Variants in SYBU observed in about 807,000 individuals in gnomAD.
The protein encoded by SYBU is GOLSYN A protein.
Under a neutral mutation model 35.9 loss-of-function variants are expected in SYBU, and 21 were observed. The observed-to-expected ratio is 0.58, with a 90% CI of 0.41 to 0.84. The LOEUF (loss-of-function observed/expected upper bound fraction) is 0.84. Ranked by LOEUF, SYBU falls within the 40% of genes least tolerant of loss-of-function variation. The pLI, the probability that SYBU is intolerant of heterozygous loss-of-function variation, is 0.00. For synonymous variants in SYBU, 319 were observed against 324.3 expected, an observed-to-expected ratio of 0.98 and a Z score of 0.18; for missense variants, 768 against 848.2, an observed-to-expected ratio of 0.91 and a Z score of 1.17.
At chr8:109,640,634 T>C (rs1814746476) in intron 2 of SYBU, among the ~76,000 whole-genome samples, 1 of 152,172 alleles carries the variant, frequency 6.6e-6, no homozygotes, top group Non-Finnish European at 1.5e-5. Flanking sequence ...AGCTTCTCAG[T>C]TATCCTTTTG....
At position 109,642,878 on chromosome 8, in the gene SYBU, G is replaced by A. The variant is rs745963615; in HGVS notation, c.79C>T (p.Arg27Trp). The part of the protein sequence containing the change: ...DKEISRSRIP[R>W]LILRPHMPQQ... ...GGCATATGGGGCCGAAGAATCAACC[G>A]GGGAATTCGGCTTCGAGAAATCTCC... The change falls in exon 2 of 7, where the codon CGG (arginine) becomes TGG (tryptophan). Residue 27 changes from arginine to tryptophan, a missense_variant. Physicochemically the swap from Arg to Trp is moderately radical, Grantham distance 101 (BLOSUM62 -3). Coordinates refer to ENST00000276646, the MANE Select transcript of SYBU (RefSeq NM_001099754.2). The A allele has an allele frequency of 3.1e-6, 5 of 1,594,158 alleles. No individual in the cohort carries two copies. The highest frequency in any genetic ancestry group is 3.4e-6 in the Non-Finnish European group (4 of 1,169,714).
chr8:109,691,600 C>A lies in SYBU; in HGVS notation c.-325G>T, dbSNP rs540244948. 5.0e-3 allele frequency: 2,134 copies of A among 423,156 alleles called. 17 individuals carry two copies. Among genetic ancestry groups the A allele is most frequent in the East Asian group, 0.025 (637 of 25,750 alleles). 26.2% of individuals were successfully genotyped at this position (423,156 alleles called of 1,614,324 possible). ...GCCGGGCGGCTGCTGGGGCTGAGGACAAAATGGAGAGAAGGGCGGGGGACC... is the reference window on the plus strand; with the variant it reads ...GCCGGGCGGCTGCTGGGGCTGAGGAAAAAATGGAGAGAAGGGCGGGGGACC... On this transcript the variant is annotated 5_prime_UTR_variant, in exon 1 of 8. Transcript: ENST00000422135. This position sits in a 1 kb window ranked among gnomAD's most constrained non-coding sequence, Gnocchi z 4.7.
At chr8:109,683,363 G>C (rs551585668), upstream of SYBU, among the ~76,000 whole-genome samples, 36 of 152,210 alleles carry the variant, frequency 2.4e-4, no homozygotes, top group Non-Finnish European at 4.4e-4. Context: ...AGTCAAAAGA[G>C]AGCATTTTGG....
At chr8:109,681,232 C>T (rs138847986), upstream of SYBU, among the ~76,000 whole-genome samples, 1,710 of 152,032 alleles carry the variant, frequency 0.011, 11 homozygotes, top group Middle Eastern at 0.051. Context: ...TTCTCCTTGG[C>T]GTGCAAAATT....
chr8:109,602,040 G>C (rs902371802), intron 3 of SYBU, among the ~76,000 whole-genome samples: 1 of 152,080 alleles, frequency 6.6e-6, no homozygotes, highest in Non-Finnish European at 1.5e-5. Context: ...TTTGGAGATG[G>C]GTCATAAGGT....
chr8:109,637,340 C>T (rs1185224057), intron 2 of SYBU, among the ~76,000 whole-genome samples: 1 of 152,162 alleles, frequency 6.6e-6, no homozygotes, highest in Non-Finnish European at 1.5e-5. Context: ...CAGACATAGT[C>T]CAATTCCATC....
chr8:109,658,398 G>A (rs553884239), intron 1 of SYBU, among the ~76,000 whole-genome samples: 2 of 152,238 alleles, frequency 1.3e-5, no homozygotes, highest in South Asian at 4.1e-4. Context: ...CTCAATTCAC[G>A]AAGACAAACT....
At chr8:109,688,729 G>A (rs1817575943) in intron 1 of SYBU, among the ~76,000 whole-genome samples, 1 of 147,448 alleles carries the variant, frequency 6.8e-6, no homozygotes, top group Admixed American at 6.7e-5. Context: ...ATCCTGCTAA[G>A]AAGAAGGATG....
At chr8:109,644,920 T>C, upstream of SYBU, 1 of 542,996 alleles carries the variant, frequency 1.8e-6, no homozygotes, top group African/African-American at 1.9e-5. Flanking sequence ...CTCCCTCACC[T>C]GCGGCCTTCG....
intron 3 of SYBU, among the ~76,000 whole-genome samples, chr8:109,597,289 G>A (rs1340209307): frequency 2.6e-5 from 4 of 152,140 alleles, no homozygotes; most frequent in East Asian, 3.9e-4. Context: ...CTTCCCTGAC[G>A]GTATGTGCTG....
chr8:109,610,316 G>C (rs1811031411), intron 3 of SYBU, among the ~76,000 whole-genome samples: 2 of 152,158 alleles, frequency 1.3e-5, no homozygotes, highest in African/African-American at 2.4e-5. Flanking sequence ...TGGAACAATG[G>C]TGTCAGCATA....
In SYBU at chr8:109,577,746, A is replaced by T. The variant is rs112713226; in HGVS notation, c.884+122T>A. On this transcript the variant is annotated intron_variant, in intron 6 of 6. Coordinates refer to ENST00000276646, the MANE Select transcript of SYBU (RefSeq NM_001099754.2). ...CTCTTTTCAGAGGCTGACTTTAAAA[A>T]TTTGACCAAAATTGAATACAATCAT... The T allele has an allele frequency of 1.4e-4, 168 of 1,166,430 alleles. 2 individuals are homozygous for T. Among genetic ancestry groups the T allele is most frequent in the Non-Finnish European group, 1.8e-4 (156 of 846,412 alleles). The allele number at this position is 1,166,430 out of a possible 1,614,324, so 72.3% of individuals were successfully genotyped here. A position where few individuals can be genotyped will look rare whatever the true frequency, so the allele number is the denominator to read the frequency against.
chr8:109,645,525 A>G, upstream of SYBU: 1 of 345,534 alleles, frequency 2.9e-6, no homozygotes, highest in East Asian at 7.5e-5. Context: ...TGCTAAGGGA[A>G]GAGCACTGGA....
intron 1 of SYBU, among the ~76,000 whole-genome samples, chr8:109,655,626 T>A (rs1212982418): frequency 6.6e-6 from 1 of 152,212 alleles, no homozygotes; most frequent in Non-Finnish European, 1.5e-5. Flanking sequence ...AGTATCCCCA[T>A]GATTCCTTGT....
chr8:109,644,604 C>T, intron 1 of SYBU, 32 bp downstream of exon 1: 6 of 1,543,828 alleles, frequency 3.9e-6, no homozygotes, highest in Non-Finnish European at 5.2e-6. Context: ...CTTCCCCGCC[C>T]TCCAGTGCCC....
intron 2 of SYBU, among the ~76,000 whole-genome samples, chr8:109,622,757 T>G (rs996708528): frequency 3.3e-5 from 5 of 151,884 alleles, no homozygotes; most frequent in Admixed American, 2.0e-4. Context: ...TTTTTAGCTT[T>G]TATAAGTTAT....
chr8:109,622,503 G>A (rs978465006), intron 2 of SYBU, among the ~76,000 whole-genome samples: 3 of 152,166 alleles, frequency 2.0e-5, no homozygotes, highest in Admixed American at 2.0e-4. Context: ...AAAGTGCTGG[G>A]ATTATAGGTA....
At chr8:109,591,640 TA>T (rs1824277626) in intron 3 of SYBU, among the ~76,000 whole-genome samples, 1 of 147,886 alleles carries the variant, frequency 6.8e-6, no homozygotes, top group Non-Finnish European at 1.5e-5. Flanking sequence ...GCCTCCCGAG[TA>T]GCTGGGACTA....
chr8:109,617,110 T>C (rs1223432303), intron 3 of SYBU, among the ~76,000 whole-genome samples: 1 of 151,190 alleles, frequency 6.6e-6, no homozygotes, highest in Non-Finnish European at 1.5e-5. Flanking sequence ...CACTCCAGTC[T>C]GGGCGACAGT....
Sources: allele counts gnomAD v4.1 joint callset (sites outside exome capture counted in the v4.1 genomes callset), GRCh38; gene constraint gnomAD v4.1.1; non-coding constraint Gnocchi (gnomAD v3.1); transcripts MANE v1.5; gene names NCBI Gene and HGNC (gene_info 2026-07-23, HGNC 2026-07-21).